CFAP299: variants seen among roughly 807,000 people sequenced by gnomAD.
CFAP299 encodes cilia- and flagella-associated protein 299.
In CFAP299, 21 loss-of-function variants were observed where a neutral mutation model predicts 27.0. The ratio of observed to expected loss-of-function variants is 0.78; its 90% CI spans 0.55 to 1.12. The LOEUF (loss-of-function observed/expected upper bound fraction) is 1.12. Among genes scored for constraint, CFAP299 ranks in the 50% most tolerant of loss-of-function variants. CFAP299 has a pLI of 0.00. For missense variants in CFAP299, 310 were observed against 276.6 expected (o/e 1.12, Z -0.86); for synonymous variants, 104 against 98.1 (o/e 1.06, Z -0.36).
At chr4:80,608,456 C>G in intron 3 of CFAP299, 1 of 834,738 alleles carries the variant, frequency 1.2e-6, no homozygotes. Flanking sequence ...CATATATACT[C>G]CACTCCAAGG....
intron 3 of CFAP299, among the ~76,000 whole-genome samples, chr4:80,613,223 A>G (rs1459468492): frequency 6.6e-6 from 1 of 152,096 alleles, no homozygotes; most frequent in Non-Finnish European, 1.5e-5. Context: ...ATTTTCTAGT[A>G]TATTTGGTTT....
chr4:80,685,826 C>A (rs1250247512), intron 3 of CFAP299, among the ~76,000 whole-genome samples: 1 of 152,084 alleles, frequency 6.6e-6, no homozygotes, highest in East Asian at 1.9e-4. Context: ...TGAAGGTCCC[C>A]ATGGACCAGT....
chr4:80,848,504 C>T (rs1731309208), intron 3 of CFAP299, among the ~76,000 whole-genome samples: 1 of 151,974 alleles, frequency 6.6e-6, no homozygotes, highest in African/African-American at 2.4e-5. Context: ...ATAGAAAAGG[C>T]ACAATAAAAA....
At chr4:80,800,330 T>G (rs1176827694) in intron 3 of CFAP299, among the ~76,000 whole-genome samples, 1 of 67,790 alleles carries the variant, frequency 1.5e-5, no homozygotes, top group East Asian at 4.7e-4. Flanking sequence ...ACATTAATAT[T>G]AATATATATA....
chr4:80,483,482 TATC>T (rs1374217476), intron 2 of CFAP299, among the ~76,000 whole-genome samples: 2 of 152,234 alleles, frequency 1.3e-5, no homozygotes, highest in African/African-American at 4.8e-5. Context: ...ATCATCTTGA[TATC>T]ATTCTCAATT....
chr4:80,704,745 T>A (rs940655393), intron 3 of CFAP299, among the ~76,000 whole-genome samples: 1 of 151,862 alleles, frequency 6.6e-6, no homozygotes, highest in Admixed American at 6.6e-5. Flanking sequence ...ATACCAGCTC[T>A]GACTGTTCTA....
intron 3 of CFAP299, among the ~76,000 whole-genome samples, chr4:80,753,114 T>C (rs1313389660): frequency 6.6e-6 from 1 of 152,136 alleles, no homozygotes; most frequent in Non-Finnish European, 1.5e-5. Flanking sequence ...GTCTAAGTTT[T>C]TGTCTTGAAA....
chr4:80,780,405 G>T (rs567279311), intron 3 of CFAP299, among the ~76,000 whole-genome samples: 1 of 152,132 alleles, frequency 6.6e-6, no homozygotes, highest in African/African-American at 2.4e-5. Flanking sequence ...CTTAGACAAA[G>T]TACTTCTTTG....
At chr4:80,554,119 T>C (rs1734672642) in intron 2 of CFAP299, among the ~76,000 whole-genome samples, 1 of 152,138 alleles carries the variant, frequency 6.6e-6, no homozygotes, top group South Asian at 2.1e-4. Context: ...GTTTTTATAA[T>C]TTTGAGTTTT....
At chr4:80,475,299 A>C (rs1177847478) in intron 2 of CFAP299, among the ~76,000 whole-genome samples, 1 of 152,214 alleles carries the variant, frequency 6.6e-6, no homozygotes, top group Non-Finnish European at 1.5e-5. Context: ...TATGGGGAGA[A>C]ATAGAAGCAG....
At chr4:80,515,370 T>C (rs976271458) in intron 2 of CFAP299, among the ~76,000 whole-genome samples, 1 of 152,222 alleles carries the variant, frequency 6.6e-6, no homozygotes, top group African/African-American at 2.4e-5. Flanking sequence ...CCAAGCTGGC[T>C]GTCTTAATTA....
intron 2 of CFAP299, among the ~76,000 whole-genome samples, chr4:80,474,365 T>C (rs1415066288): frequency 6.6e-6 from 1 of 152,246 alleles, no homozygotes; most frequent in Non-Finnish European, 1.5e-5. Context: ...GACAGTTTCC[T>C]GAACATTTAA....
At chr4:80,836,495 T>C (rs759591228) in intron 3 of CFAP299, among the ~76,000 whole-genome samples, 1 of 152,186 alleles carries the variant, frequency 6.6e-6, no homozygotes, top group Non-Finnish European at 1.5e-5. Context: ...GCCCCTTTCC[T>C]CTACATTCAA....
chr4:80,810,963 T>C (rs1482902417), intron 3 of CFAP299, among the ~76,000 whole-genome samples: 1 of 152,112 alleles, frequency 6.6e-6, no homozygotes, highest in Admixed American at 6.6e-5. Context: ...CTTGTCTTAT[T>C]TTCTTTGTAC....
chr4:80,858,858 T>C (rs1369921687), intron 3 of CFAP299, among the ~76,000 whole-genome samples: 1 of 152,142 alleles, frequency 6.6e-6, no homozygotes, highest in African/African-American at 2.4e-5. Flanking sequence ...ATAGGTGTGG[T>C]GTGGTGCTGA....
At chr4:80,422,772 T>C (rs1727350987) in intron 2 of CFAP299, among the ~76,000 whole-genome samples, 1 of 152,204 alleles carries the variant, frequency 6.6e-6, no homozygotes. Context: ...TCAAGGATTA[T>C]TTAGGCAGAA....
intron 3 of CFAP299, among the ~76,000 whole-genome samples, chr4:80,686,998 C>G (rs1720245019): frequency 6.6e-6 from 1 of 152,184 alleles, no homozygotes; most frequent in South Asian, 2.1e-4. Flanking sequence ...AAATACTTTG[C>G]AAATGTTACT....
chr4:80,722,348 CG>C (rs1271332939), intron 3 of CFAP299, among the ~76,000 whole-genome samples: 1 of 150,048 alleles, frequency 6.7e-6, no homozygotes, highest in African/African-American at 2.5e-5. Flanking sequence ...ACCCAGGAGG[CG>C]GAGGTTGCAG....
At chr4:80,426,719 A>C (rs2110074780) in intron 2 of CFAP299, among the ~76,000 whole-genome samples, 1 of 152,322 alleles carries the variant, frequency 6.6e-6, no homozygotes, top group African/African-American at 2.4e-5. Context: ...GGTTAAGAGC[A>C]AGTGTTTTGG....
Sources: allele counts gnomAD v4.1 joint callset (sites outside exome capture counted in the v4.1 genomes callset), GRCh38; gene constraint gnomAD v4.1.1; transcripts MANE v1.5; gene names NCBI Gene and HGNC (gene_info 2026-07-23, HGNC 2026-07-21).